Variants in ZFAND3 observed in about 807,000 individuals in gnomAD.
ZFAND3 encodes zinc finger AN1-type containing 3.
ZFAND3 carries 10 observed loss-of-function variants against 29.6 expected under a neutral mutation model. The ratio of observed to expected loss-of-function variants is 0.34; its 90% CI spans 0.21 to 0.57. The LOEUF is 0.57. Ranked by LOEUF, ZFAND3 falls within the 20% of genes least tolerant of loss-of-function variation. The probability of loss-of-function intolerance (pLI) is 0.86; values close to 1 mark genes in which losing one functional copy is unlikely to be tolerated. For synonymous variants in ZFAND3, 128 were observed against 112.6 expected, an observed-to-expected ratio of 1.14 and a Z score of -0.87; for missense variants, 230 against 304.5, an observed-to-expected ratio of 0.76 and a Z score of 1.82.
intron 3 of ZFAND3, among the ~76,000 whole-genome samples, chr6:38,073,811 T>A (rs1478218288): frequency 6.6e-6 from 1 of 152,248 alleles, no homozygotes; most frequent in Admixed American, 6.5e-5. Context: ...CATATTTAAC[T>A]GCTTACCCAG....
At chr6:37,821,705 C>T (rs1332473407) in intron 1 of ZFAND3, among the ~76,000 whole-genome samples, 1 of 152,232 alleles carries the variant, frequency 6.6e-6, no homozygotes, top group Non-Finnish European at 1.5e-5. Flanking sequence ...AGCTAATGCT[C>T]AGGATGTATC....
chr6:37,824,273 A>G (rs1763719859), intron 1 of ZFAND3, among the ~76,000 whole-genome samples: 1 of 151,744 alleles, frequency 6.6e-6, no homozygotes, highest in Admixed American at 6.5e-5. Context: ...TGAAATATAC[A>G]CATACACGAA....
intron 5 of ZFAND3, among the ~76,000 whole-genome samples, chr6:38,122,324 T>C (rs1765551142): frequency 6.6e-6 from 1 of 152,244 alleles, no homozygotes; most frequent in African/African-American, 2.4e-5. Flanking sequence ...TGTAAATTGT[T>C]ACATGCTGTG....
At position 37,819,963 on chromosome 6, in the gene ZFAND3, C is replaced by T; in HGVS notation, c.18C>T (p.Ser6=). The T allele has an allele frequency of 2.5e-6, 3 of 1,223,674 alleles. No homozygotes were observed. The highest frequency in any genetic ancestry group is 3.1e-6 in the Non-Finnish European group (3 of 983,464). 75.8% of individuals were successfully genotyped at this position (1,223,674 alleles called of 1,614,324 possible). A position where few individuals can be genotyped will look rare whatever the true frequency, so the allele number is the denominator to read the frequency against. MGDAG[S]ERSKAPSLPP... is the part of the protein sequence containing the mutation. ...CGAGCACCATGGGAGACGCTGGGAG[C>T]GAGCGCAGCAAAGCGCCCAGCCTGC... The change falls in exon 1 of 6, where the codon AGC becomes AGT. Residue 6 remains serine, a synonymous_variant. Coordinates refer to ENST00000287218, the MANE Select transcript of ZFAND3 (RefSeq NM_021943.3).
At chr6:38,151,294 T>G (rs1052875844) in intron 5 of ZFAND3, among the ~76,000 whole-genome samples, 9 of 152,234 alleles carry the variant, frequency 5.9e-5, no homozygotes, top group Non-Finnish European at 1.0e-4. Flanking sequence ...TCTTTTTCTC[T>G]TATTTGCCAG....
intron 2 of ZFAND3, among the ~76,000 whole-genome samples, chr6:38,034,154 T>C (rs971582115): frequency 6.6e-6 from 1 of 152,198 alleles, no homozygotes; most frequent in African/African-American, 2.4e-5. Flanking sequence ...GTTTCATCTT[T>C]TGTGTGAACT....
chr6:37,895,848 G>A (rs1408589782), intron 1 of ZFAND3, among the ~76,000 whole-genome samples: 15 of 152,146 alleles, frequency 9.9e-5, no homozygotes, highest in Admixed American at 9.8e-4. Context: ...TTGTTAGGCT[G>A]TGGTGTACCA....
chr6:38,031,382 GT>G (rs1234461095), intron 2 of ZFAND3, among the ~76,000 whole-genome samples: 1 of 152,166 alleles, frequency 6.6e-6, no homozygotes, highest in Non-Finnish European at 1.5e-5. Context: ...GCAGATCTAT[GT>G]TTTATGCCTT....
In ZFAND3 at chr6:38,127,694, CT is replaced by C. The variant is rs111308066; in HGVS notation, c.529+10969del. Among the ~76,000 whole-genome samples the C allele has an allele frequency of 8.1e-3, 1,147 of 142,468 alleles. 6 individuals carry two copies. Among genetic ancestry groups the C allele is most frequent in the African/African-American group, 0.016 (619 of 39,118 alleles). 93.5% of individuals were successfully genotyped at this position (142,468 alleles called of 152,430 possible). ...CCTTAGTAATCATTTAGTCTCATCT[CT>C]TTTTTTTTTTTTTAAATAAATGAGA... On this transcript the variant is annotated intron_variant, in intron 5 of 5. Transcript: ENST00000287218.
chr6:37,822,583 A>G (rs1763685888), intron 1 of ZFAND3, among the ~76,000 whole-genome samples: 1 of 152,170 alleles, frequency 6.6e-6, no homozygotes, highest in Non-Finnish European at 1.5e-5. Context: ...TGCTGGCCCC[A>G]TACTCTGGGG....
At chr6:37,833,703 G>T (rs950369402) in intron 1 of ZFAND3, among the ~76,000 whole-genome samples, 10 of 151,704 alleles carry the variant, frequency 6.6e-5, no homozygotes, top group African/African-American at 2.4e-4. Context: ...GCGAGCGTCT[G>T]TAGTCCCAGC....
chr6:37,859,108 G>A (rs1481486306), intron 1 of ZFAND3, among the ~76,000 whole-genome samples: 1 of 152,204 alleles, frequency 6.6e-6, no homozygotes, highest in Non-Finnish European at 1.5e-5. Context: ...GAGCCAGAAA[G>A]CCCAAGTTAG....
chr6:38,118,417 G>C (rs1020124660), intron 5 of ZFAND3, among the ~76,000 whole-genome samples: 1 of 152,102 alleles, frequency 6.6e-6, no homozygotes, highest in African/African-American at 2.4e-5. Context: ...CCAGTGTTGT[G>C]AGCCTACCTG....
At chr6:38,059,747 C>T (rs1267673354) in intron 2 of ZFAND3, among the ~76,000 whole-genome samples, 1 of 151,992 alleles carries the variant, frequency 6.6e-6, no homozygotes, top group Non-Finnish European at 1.5e-5. Context: ...TGTGGTGGTA[C>T]ACGTCTGTAA....
At chr6:38,127,610 A>G (rs1765658972) in intron 5 of ZFAND3, among the ~76,000 whole-genome samples, 1 of 152,184 alleles carries the variant, frequency 6.6e-6, no homozygotes, top group Non-Finnish European at 1.5e-5. Flanking sequence ...TGTTTGAATT[A>G]AAGGCATGAA....
intron 2 of ZFAND3, among the ~76,000 whole-genome samples, chr6:38,049,613 T>C (rs1422770921): frequency 6.6e-6 from 1 of 152,204 alleles, no homozygotes; most frequent in African/African-American, 2.4e-5. Flanking sequence ...TGGAGATAGA[T>C]ACCTTTTAGG....
At chr6:37,995,848 C>T (rs927611868) in intron 2 of ZFAND3, among the ~76,000 whole-genome samples, 3 of 151,880 alleles carry the variant, frequency 2.0e-5, no homozygotes, top group Non-Finnish European at 4.4e-5. Flanking sequence ...GAGACTTGGC[C>T]GGGCACTGTG....
intron 5 of ZFAND3, among the ~76,000 whole-genome samples, chr6:38,119,135 G>A (rs553398213): frequency 6.6e-6 from 1 of 152,124 alleles, no homozygotes. Flanking sequence ...TGACTGAGTC[G>A]ACTGTCACCC....
chr6:38,017,957 A>C (rs1190935339), intron 2 of ZFAND3, among the ~76,000 whole-genome samples: 2 of 152,200 alleles, frequency 1.3e-5, no homozygotes, highest in Non-Finnish European at 2.9e-5. Context: ...GTTCCCAGAA[A>C]ACTACTTATA....
Sources: allele counts gnomAD v4.1 joint callset (sites outside exome capture counted in the v4.1 genomes callset), GRCh38; gene constraint gnomAD v4.1.1; transcripts MANE v1.5; gene names NCBI Gene and HGNC (gene_info 2026-07-23, HGNC 2026-07-21).